CACNA1H: variants seen among roughly 807,000 people sequenced by gnomAD.
CACNA1H encodes the protein calcium voltage-gated channel subunit alpha1 H.
A neutral mutation model predicts 192.5 loss-of-function variants in CACNA1H; 149 were observed. That is an observed-to-expected ratio of 0.77 (90% confidence interval 0.68 to 0.89). CACNA1H has a LOEUF of 0.89. Among genes scored for constraint, CACNA1H ranks in the 40% least tolerant of loss-of-function variants. The pLI, the probability that CACNA1H is intolerant of heterozygous loss-of-function variation, is 0.00. For missense variants in CACNA1H, 4,257 were observed against 3,423.5 expected (o/e 1.24, Z -6.08); for synonymous variants, 2,202 against 1,475.2 (o/e 1.49, Z -11.29).
At chr16:1,193,134 C>T (rs940937228) in intron 2 of CACNA1H, among the ~76,000 whole-genome samples, 19 of 152,128 alleles carry the variant, frequency 1.2e-4, no homozygotes, top group African/African-American at 3.4e-4. Flanking sequence ...CTGTTTGGGC[C>T]GGGTGTCTTT....
chr16:1,206,789 C>T, intron 12 of CACNA1H: 2 of 549,642 alleles, frequency 3.6e-6, no homozygotes, highest in African/African-American at 1.9e-5. Flanking sequence ...GGTTCTCTCG[C>T]CTGTGGAATG....
intron 15 of CACNA1H, 24 bp from the exon 16 acceptor site, chr16:1,207,989 C>G (rs372198437): frequency 1.3e-6 from 2 of 1,579,912 alleles, no homozygotes; most frequent in East Asian, 4.7e-5. Context: ...GCTCTAGGGG[C>G]CCATTCCTCC....
rs1192458792 is a variant in CACNA1H at position 1,218,989 on chromosome 16, C to T, written c.5907C>T (p.His1969=). The T allele has an allele frequency of 3.9e-6, 6 of 1,550,286 alleles. No individual in the cohort carries two copies. Among genetic ancestry groups the T allele is most frequent in the Non-Finnish European group, 5.2e-6 (6 of 1,146,910 alleles). ...GTPLGSVASV[H]SPPAESCASL... ...CCCCAGGCTCCGTTGCCTCTGTGCACTCTCCGCCCGCAGAGTCCTGTGCCT... is the reference window on the plus strand; with the variant it reads ...CCCCAGGCTCCGTTGCCTCTGTGCATTCTCCGCCCGCAGAGTCCTGTGCCT... Residue 1969 remains histidine (H), a synonymous_variant, in exon 34 of 35, where the codon CAC becomes CAT. Coordinates refer to ENST00000348261, the MANE Select transcript of CACNA1H (RefSeq NM_021098.3).
chr16:1,169,409 C>T (rs1225575032), intron 2 of CACNA1H, among the ~76,000 whole-genome samples: 3 of 152,284 alleles, frequency 2.0e-5, no homozygotes, highest in Admixed American at 6.5e-5. Flanking sequence ...GGTTGGGCCC[C>T]GAGAGGGTGG....
At chr16:1,199,850 C>T (rs1192490046) in intron 6 of CACNA1H, among the ~76,000 whole-genome samples, 5 of 152,102 alleles carry the variant, frequency 3.3e-5, no homozygotes, top group Admixed American at 2.0e-4. Context: ...CGTCCCTTGC[C>T]CTTTGCCCCT....
In CACNA1H at chr16:1,218,353, G is replaced by A; in HGVS notation, c.5589G>A (p.Leu1863=). Residue 1863 remains leucine, a synonymous_variant, in exon 33 of 35, where the codon CTG becomes CTA. Transcript: ENST00000348261. ...TGGTGGCCGTGCTCATGAAGCACCT[G>A]GAGGAGAGCAACAAGGAGGCACGGG... is the stretch of plus-strand genomic sequence containing the variant. ...NVVVAVLMKH[L]EESNKEARED... is the part of the protein sequence containing the mutation. 1 of 1,562,464 alleles carries A rather than the reference G, an allele frequency of 6.4e-7. No individual in the cohort carries two copies. The highest frequency in any genetic ancestry group is 1.7e-4 in the Middle Eastern group (1 of 6,016).
intron 2 of CACNA1H, among the ~76,000 whole-genome samples, chr16:1,162,092 C>A (rs986767805): frequency 6.6e-6 from 1 of 152,138 alleles, no homozygotes; most frequent in African/African-American, 2.4e-5. Flanking sequence ...GGCCTGCTGC[C>A]CTCCTGGCCT....
rs371350160 is a variant in CACNA1H, at chr16:1,220,955, C to A, written c.7023C>A (p.Ala2341=). The change falls in exon 35 of 35, where the codon GCC becomes GCA. Residue 2341 remains alanine, a synonymous_variant. Coordinates refer to ENST00000348261, the MANE Select transcript of CACNA1H (RefSeq NM_021098.3). The part of the protein sequence containing the change: ...CPLEKPGSPS[A]TPAPGGGADD... ...TGGAGAAACCAGGGTCCCCCTCAGC[C>A]ACCCCTGCCCCAGGGGGTGGTGCAG... The A allele has an allele frequency of 6.2e-7, 1 of 1,605,190 alleles. No individual in the cohort carries two copies.
At chr16:1,206,619 C>T (rs928009731) in intron 12 of CACNA1H, 27 of 432,604 alleles carry the variant, frequency 6.2e-5, no homozygotes, top group African/African-American at 2.2e-4. Flanking sequence ...GCTGTGTGCC[C>T]GTCTAGCCTG....
At chr16:1,174,261 A>G (rs1172656491) in intron 2 of CACNA1H, among the ~76,000 whole-genome samples, 2 of 152,082 alleles carry the variant, frequency 1.3e-5, no homozygotes, top group Admixed American at 1.3e-4. Context: ...GTTCAAGGCC[A>G]CCCCATGGCC....
intron 2 of CACNA1H, among the ~76,000 whole-genome samples, chr16:1,170,453 A>G (rs905093696): frequency 1.3e-5 from 2 of 152,194 alleles, no homozygotes; most frequent in African/African-American, 4.8e-5. Flanking sequence ...AGACAGAGGC[A>G]GGGGAGGGGA....
chr16:1,189,397 CTTTTTTTTTTTTTTTTTT>C (rs3990780), intron 2 of CACNA1H, among the ~76,000 whole-genome samples: 3,703 of 44,936 alleles, frequency 0.082, 283 homozygotes, highest in African/African-American at 0.18. Flanking sequence ...GAAGAGTGTC[CTTTTTTTTTTTTTTTTTT>C]TTTTTTTTTT....
rs1360267260 is a variant in CACNA1H at position 1,220,592 on chromosome 16, C to T, written c.6660C>T (p.Thr2220=). The T allele has an allele frequency of 8.4e-6, 13 of 1,553,408 alleles. No individual in the cohort carries two copies. Among genetic ancestry groups the T allele is most frequent in the Non-Finnish European group, 9.5e-6 (11 of 1,156,336 alleles). Residue 2220 remains threonine, a synonymous_variant, in exon 35 of 35, where the codon ACC becomes ACT. Transcript: ENST00000348261. ...GCAGCACCACACTGAGGCGCAGGACCCCGTCCTGTGAGGCCACGCCTCACA... is the reference window on the plus strand; with the variant it reads ...GCAGCACCACACTGAGGCGCAGGACTCCGTCCTGTGAGGCCACGCCTCACA... ...EGGSTTLRRR[T]PSCEATPHRD... is the part of the protein sequence containing the mutation.
In CACNA1H at chr16:1,187,857, C is replaced by G. The variant is rs183246517; in HGVS notation, c.300-7115C>G. Among the ~76,000 whole-genome samples, 3 of 152,342 alleles carry G rather than the reference C, an allele frequency of 2.0e-5. No homozygotes were observed. The East Asian group carries it at 5.8e-4, about 29-fold the overall frequency. ...TAACTATCTCTTGAGGAGGGGCACACAGCCCCGCCTCCGTCCCTCTGTAGA... is the reference window on the plus strand; with the variant it reads ...TAACTATCTCTTGAGGAGGGGCACAGAGCCCCGCCTCCGTCCCTCTGTAGA... On this transcript the variant is annotated intron_variant, in intron 2 of 34. Transcript: ENST00000348261.
intron 5 of CACNA1H, among the ~76,000 whole-genome samples, chr16:1,198,016 C>T (rs889795268): frequency 2.0e-5 from 3 of 152,174 alleles, no homozygotes. Flanking sequence ...CTCCAGCAGC[C>T]TCTCTCTGAG....
Position 1,153,945 on chromosome 16 carries a change from G to T in CACNA1H, c.208G>T (p.Val70Phe). 6.9e-7 allele frequency: 1 copy of T among 1,454,918 alleles called. No homozygotes were observed. Among genetic ancestry groups the T allele is most frequent in the Non-Finnish European group, 9.1e-7 (1 of 1,104,218 alleles). 90.1% of individuals were successfully genotyped at this position (1,454,918 alleles called of 1,614,324 possible). The change falls in exon 2 of 35, where the codon GTC (valine) becomes TTC (phenylalanine). Residue 70 changes from valine (V) to phenylalanine (F), a missense_variant. Val to Phe is a conservative substitution (Grantham distance 50, BLOSUM62 -1). Transcript: ENST00000348261. ...AELGADEEQRVPYPALAATVF... is the reference protein window; with the variant it reads ...AELGADEEQRFPYPALAATVF... ...GCTGGGTGCCGACGAGGAGCAGCGC[G>T]TCCCGTACCCGGCCTTGGCGGCCAC... is the stretch of plus-strand genomic sequence containing the variant.
At chr16:1,172,274 C>T (rs186291348) in intron 2 of CACNA1H, among the ~76,000 whole-genome samples, 5 of 152,202 alleles carry the variant, frequency 3.3e-5, no homozygotes, top group East Asian at 1.9e-4. Flanking sequence ...GGGCTCCCCC[C>T]ACAGTGCATC....
intron 2 of CACNA1H, among the ~76,000 whole-genome samples, chr16:1,183,722 G>C (rs374947118): frequency 1.7e-4 from 26 of 152,382 alleles, no homozygotes; most frequent in East Asian, 1.5e-3. Context: ...TACCCTGTGA[G>C]GCTGGGGGGC....
intron 27 of CACNA1H, among the ~76,000 whole-genome samples, chr16:1,214,626 G>C (rs938689922): frequency 1.3e-5 from 2 of 152,200 alleles, no homozygotes; most frequent in African/African-American, 4.8e-5. Context: ...TAGAAGACAG[G>C]GTGGGAGGTC....
Sources: allele counts gnomAD v4.1 joint callset (sites outside exome capture counted in the v4.1 genomes callset), GRCh38; gene constraint gnomAD v4.1.1; transcripts MANE v1.5; gene names NCBI Gene and HGNC (gene_info 2026-07-23, HGNC 2026-07-21).